Variants in SPACA7 observed in about 807,000 individuals in gnomAD.
The protein encoded by SPACA7 is sperm acrosome associated 7.
In SPACA7, 19 loss-of-function variants were observed where a neutral mutation model predicts 26.3. The ratio of observed to expected loss-of-function variants is 0.72; its 90% CI spans 0.50 to 1.06. The LOEUF is 1.06. Among genes scored for constraint, SPACA7 ranks in the 50% least tolerant of loss-of-function variants. The pLI, the probability that SPACA7 is intolerant of heterozygous loss-of-function variation, is 0.00. For synonymous variants in SPACA7, 84 were observed against 84.5 expected (o/e 0.99, Z 0.04); for missense variants, 211 against 229.9 (o/e 0.92, Z 0.53).
intron 6 of SPACA7, among the ~76,000 whole-genome samples, 166 bp from the exon 7 acceptor site, chr13:112,434,319 C>G (rs913338065): frequency 2.0e-5 from 3 of 152,146 alleles, no homozygotes; most frequent in African/African-American, 7.2e-5. Flanking sequence ...GCAGCCAGTG[C>G]CCCCCTCCCG....
chr13:112,415,055 C>T (rs1886600847), intron 5 of SPACA7, among the ~76,000 whole-genome samples: 1 of 152,238 alleles, frequency 6.6e-6, no homozygotes, highest in African/African-American at 2.4e-5. Context: ...AGTCCAGTTA[C>T]ACTGCAAATC....
intron 2 of SPACA7, 67 bp downstream of exon 2, chr13:112,393,144 G>T (rs1190515385): frequency 3.0e-6 from 4 of 1,346,266 alleles, no homozygotes; most frequent in South Asian, 2.6e-5. Flanking sequence ...GTCTGTGGCT[G>T]TTTCCCAGAT....
At chr13:112,393,176 A>G (rs748347006) in intron 2 of SPACA7, 99 bp downstream of exon 2, 39 of 923,168 alleles carry the variant, frequency 4.2e-5, no homozygotes, top group Non-Finnish European at 5.1e-5. Flanking sequence ...AACTGCAGAC[A>G]GTGGAGGGAA....
chr13:112,409,821 A>G (rs1273692643), intron 5 of SPACA7, among the ~76,000 whole-genome samples: 1 of 152,198 alleles, frequency 6.6e-6, no homozygotes, highest in Admixed American at 6.5e-5. Context: ...TTCCTCAAGG[A>G]AGTAGAACTA....
chr13:112,424,954 T>TTGAA (rs987900700), intron 5 of SPACA7, among the ~76,000 whole-genome samples: 3 of 152,130 alleles, frequency 2.0e-5, no homozygotes, highest in East Asian at 3.9e-4. Context: ...TAGGTGTTTG[T>TTGAA]TGAATGAATG....
At chr13:112,411,965 A>G (rs8001007) in intron 5 of SPACA7, among the ~76,000 whole-genome samples, 12,420 of 152,090 alleles carry the variant, frequency 0.082, 1,106 homozygotes, top group East Asian at 0.28. Context: ...TACCCATCAC[A>G]TCAGTGGGCT....
rs953646395 is a variant in SPACA7 at position 112,380,428 on chromosome 13, C to A, written c.94+3949C>A. Among the ~76,000 whole-genome samples the A allele has an allele frequency of 1.3e-4, 16 of 119,696 alleles. No homozygotes were observed. The South Asian group carries it at 1.6e-3, about 12-fold the overall frequency. The allele number at this position is 119,696 out of a possible 152,430, so 78.5% of individuals were successfully genotyped here. A position where few individuals can be genotyped will look rare whatever the true frequency, so the allele number is the denominator to read the frequency against. ...CTCAAAAAAAAAAAAAAAAAAAAAACCAGACCAATAATTCAACAAAACTTT... is the reference window on the plus strand; with the variant it reads ...CTCAAAAAAAAAAAAAAAAAAAAAAACAGACCAATAATTCAACAAAACTTT... On this transcript the variant is annotated intron_variant, in intron 1 of 6. Coordinates refer to ENST00000283550, the MANE Select transcript of SPACA7 (RefSeq NM_145248.5).
chr13:112,386,573 T>C (rs1303527008), intron 1 of SPACA7, among the ~76,000 whole-genome samples: 1 of 151,998 alleles, frequency 6.6e-6, no homozygotes, highest in Non-Finnish European at 1.5e-5. Flanking sequence ...TACCAGAAGT[T>C]ATCTTAGGGC....
chr13:112,424,138 G>T (rs1228891810), intron 5 of SPACA7, among the ~76,000 whole-genome samples: 1 of 152,166 alleles, frequency 6.6e-6, no homozygotes. Context: ...GACCCCCCTG[G>T]GTGAAGCGGA....
chr13:112,398,209 G>C, intron 3 of SPACA7, 71 bp downstream of exon 3: 1 of 1,150,328 alleles, frequency 8.7e-7, no homozygotes, highest in Non-Finnish European at 1.3e-6. Flanking sequence ...CTGTGGTATG[G>C]AATACGTGAC....
intron 5 of SPACA7, among the ~76,000 whole-genome samples, chr13:112,426,899 T>C (rs1876588405): frequency 6.6e-6 from 1 of 152,180 alleles, no homozygotes; most frequent in Non-Finnish European, 1.5e-5. Flanking sequence ...GTATCACTAG[T>C]TAGGATCTCC....
chr13:112,408,406 T>C (rs1423405081), intron 5 of SPACA7, among the ~76,000 whole-genome samples: 4 of 152,076 alleles, frequency 2.6e-5, no homozygotes, highest in Non-Finnish European at 4.4e-5. Context: ...GTGTATTTGA[T>C]TAGGAAAAGA....
At chr13:112,382,915 G>C (rs1343230059) in intron 1 of SPACA7, among the ~76,000 whole-genome samples, 1 of 151,732 alleles carries the variant, frequency 6.6e-6, no homozygotes, top group Non-Finnish European at 1.5e-5. Context: ...GTTGAACCTG[G>C]GAGGCAGCAG....
chr13:112,428,754 A>G (rs115781299), intron 5 of SPACA7, among the ~76,000 whole-genome samples: 3,913 of 152,308 alleles, frequency 0.026, 172 homozygotes, highest in African/African-American at 0.09. Context: ...AACTTTAAAT[A>G]TAGCCCAGAA....
intron 1 of SPACA7, among the ~76,000 whole-genome samples, chr13:112,383,218 G>A (rs958334375): frequency 1.6e-4 from 23 of 142,516 alleles, no homozygotes; most frequent in Non-Finnish European, 3.4e-4. Context: ...AAGGAAAGAA[G>A]GAAGAAAGAA....
At chr13:112,387,999 C>T (rs984516001) in intron 1 of SPACA7, among the ~76,000 whole-genome samples, 3 of 152,128 alleles carry the variant, frequency 2.0e-5, no homozygotes, top group Non-Finnish European at 4.4e-5. Context: ...AATGAGATCT[C>T]TGGGCAAGGC....
chr13:112,421,225 CA>C (rs59236283), intron 5 of SPACA7, among the ~76,000 whole-genome samples: 29,584 of 86,758 alleles, frequency 0.34, 3,328 homozygotes, highest in South Asian at 0.47. Flanking sequence ...AAGAAACATG[CA>C]AAAAAAAAAA....
intron 5 of SPACA7, among the ~76,000 whole-genome samples, chr13:112,419,820 G>T (rs931342535): frequency 6.6e-6 from 1 of 152,208 alleles, no homozygotes; most frequent in East Asian, 1.9e-4. Context: ...GGCCTAGCAG[G>T]GAGTAACCAG....
intron 5 of SPACA7, among the ~76,000 whole-genome samples, chr13:112,406,130 CT>C (rs1165792859): frequency 6.6e-6 from 1 of 152,146 alleles, no homozygotes; most frequent in Non-Finnish European, 1.5e-5. Flanking sequence ...CCATTTTTAA[CT>C]GTACAGTTCC....
Sources: allele counts gnomAD v4.1 joint callset (sites outside exome capture counted in the v4.1 genomes callset), GRCh38; gene constraint gnomAD v4.1.1; transcripts MANE v1.5; gene names NCBI Gene and HGNC (gene_info 2026-07-23, HGNC 2026-07-21).